Variants in DAAM1 observed in about 807,000 individuals in gnomAD.
DAAM1 encodes disheveled-associated activator of morphogenesis 1.
A neutral mutation model predicts 130.0 loss-of-function variants in DAAM1; 52 were observed. That is an observed-to-expected ratio of 0.40 (90% CI 0.32 to 0.50). DAAM1 has a LOEUF of 0.50. DAAM1 is among the 20% of genes least tolerant of loss of function. The pLI, the probability that DAAM1 is intolerant of heterozygous loss-of-function variation, is 0.61. For missense variants in DAAM1, 1,134 were observed against 1,303.8 expected (o/e 0.87, Z 2.01); for synonymous variants, 452 against 444.5 (o/e 1.02, Z -0.21).
rs1245796129 is a variant in DAAM1, at chr14:59,370,111, A to T, written c.*1252A>T. The T allele has an allele frequency of 1.4e-5, 2 of 141,356 alleles. No homozygotes were observed. The highest frequency in any genetic ancestry group is 2.0e-4 in the East Asian group (1 of 4,890). 8.8% of individuals were successfully genotyped at this position (141,356 alleles called of 1,614,324 possible). On this transcript the variant is annotated 3_prime_UTR_variant, in exon 25 of 25. Transcript: ENST00000360909. ...TACCAACTCTTAATATCCTTAAATT[A>T]TGTGATATATAAAGAGGACTGTTAC...
At chr14:59,239,292 T>C (rs1353096716) in intron 1 of DAAM1, among the ~76,000 whole-genome samples, 1 of 152,186 alleles carries the variant, frequency 6.6e-6, no homozygotes, top group African/African-American at 2.4e-5. Flanking sequence ...ATTAGGACAA[T>C]TGGCTGCTAC....
intron 22 of DAAM1, among the ~76,000 whole-genome samples, chr14:59,361,430 G>A (rs1193227277): frequency 6.6e-6 from 1 of 152,210 alleles, no homozygotes; most frequent in Non-Finnish European, 1.5e-5. Context: ...GGTGCCTTAA[G>A]GAAGCAGCGG....
intron 1 of DAAM1, among the ~76,000 whole-genome samples, chr14:59,228,905 C>T (rs1430279163): frequency 6.6e-6 from 1 of 152,140 alleles, no homozygotes; most frequent in African/African-American, 2.4e-5. Flanking sequence ...AATGGATACT[C>T]TGTTTCCGTC....
intron 3 of DAAM1, among the ~76,000 whole-genome samples, chr14:59,305,440 T>C (rs1884340791): frequency 6.6e-6 from 1 of 152,224 alleles, no homozygotes; most frequent in Non-Finnish European, 1.5e-5. Flanking sequence ...TAGGCTTCAG[T>C]CATATGCCAT....
rs962698569 is a variant in DAAM1 at position 59,370,520 on chromosome 14, G to A, written c.*1661G>A. 1.3e-5 allele frequency: 2 copies of A among 152,090 alleles called. No homozygotes were observed. The highest frequency in any genetic ancestry group is 2.4e-5 in the African/African-American group (1 of 41,438). The allele number at this position is 152,090 out of a possible 1,614,324, so 9.4% of individuals were successfully genotyped here. A position where few individuals can be genotyped will look rare whatever the true frequency, so the allele number is the denominator to read the frequency against. On this transcript the variant is annotated 3_prime_UTR_variant, in exon 25 of 25. Coordinates refer to ENST00000360909, the MANE Select transcript of DAAM1 (RefSeq NM_001270520.2). ...AACTATAATGCTTAGCACAGATGGC[G>A]AGTTATCTGTGCTATGTGAAAGCTG...
intron 2 of DAAM1, among the ~76,000 whole-genome samples, chr14:59,288,026 G>GC (rs1230115353): frequency 6.6e-6 from 1 of 152,002 alleles, no homozygotes; most frequent in Non-Finnish European, 1.5e-5. Context: ...AAACTATACA[G>GC]CAAGGCTACA....
intron 8 of DAAM1, among the ~76,000 whole-genome samples, chr14:59,324,765 A>ATT (rs1430616006): frequency 3.3e-5 from 5 of 152,150 alleles, no homozygotes; most frequent in African/African-American, 1.2e-4. Context: ...TGTTTTTATA[A>ATT]CTGCAAAAGA....
chr14:59,197,404 C>T (rs1430328429), intron 1 of DAAM1, among the ~76,000 whole-genome samples: 1 of 152,210 alleles, frequency 6.6e-6, no homozygotes, highest in Non-Finnish European at 1.5e-5. Context: ...AGTTGGAGGA[C>T]ATGCAATAAA....
intron 24 of DAAM1, among the ~76,000 whole-genome samples, chr14:59,368,049 T>C (rs1314206413): frequency 6.6e-6 from 1 of 152,068 alleles, no homozygotes; most frequent in African/African-American, 2.4e-5. Flanking sequence ...TCTTTTTCTG[T>C]TTTGTTTTTT....
chr14:59,355,038 T>C (rs1886423507), intron 19 of DAAM1, 127 bp from the exon 20 acceptor site: 2 of 1,283,630 alleles, frequency 1.6e-6, no homozygotes, highest in Admixed American at 2.4e-5. Context: ...GGTAACCCAA[T>C]AACTCAGTCT....
intron 1 of DAAM1, among the ~76,000 whole-genome samples, chr14:59,201,604 A>G (rs1329949911): frequency 6.6e-6 from 1 of 152,116 alleles, no homozygotes; most frequent in African/African-American, 2.4e-5. Context: ...CGACAGAATG[A>G]GACTCCATCT....
chr14:59,192,558 T>C (rs1038486416), intron 1 of DAAM1, among the ~76,000 whole-genome samples: 3 of 152,200 alleles, frequency 2.0e-5, no homozygotes, highest in African/African-American at 7.2e-5. Context: ...GGTGTCCAAC[T>C]TGGGTTAGCA....
At chr14:59,201,075 G>A (rs982455204) in intron 1 of DAAM1, among the ~76,000 whole-genome samples, 2 of 150,040 alleles carry the variant, frequency 1.3e-5, no homozygotes, top group Admixed American at 1.3e-4. Flanking sequence ...GCAGGAGAAT[G>A]GTATGAACCT....
intron 3 of DAAM1, among the ~76,000 whole-genome samples, chr14:59,300,760 C>A (rs965585852): frequency 6.6e-6 from 1 of 152,142 alleles, no homozygotes; most frequent in African/African-American, 2.4e-5. Flanking sequence ...ATATTTATAG[C>A]CTAACTCCAT....
intron 1 of DAAM1, among the ~76,000 whole-genome samples, chr14:59,263,159 G>A (rs780589270): frequency 6.6e-6 from 1 of 152,246 alleles, no homozygotes; most frequent in Non-Finnish European, 1.5e-5. Flanking sequence ...ACAAAGAACA[G>A]ACAGTAGCTC....
chr14:59,367,767 C>G (rs1400023282), intron 24 of DAAM1, among the ~76,000 whole-genome samples, 168 bp downstream of exon 24: 1 of 152,016 alleles, frequency 6.6e-6, no homozygotes, highest in Non-Finnish European at 1.5e-5. Context: ...GGCTATTTAA[C>G]AGTGTATATT....
chr14:59,266,831 G>T lies in DAAM1; in HGVS notation c.183+3171G>T, dbSNP rs112543134. ...GGTGGTGGACAGTGCCTGGTCTCTG[G>T]AGTCAAACACTTTTCCCAAATGCCA... On this transcript the variant is annotated intron_variant, in intron 2 of 24. Coordinates refer to ENST00000360909, the MANE Select transcript of DAAM1 (RefSeq NM_001270520.2). Among the ~76,000 whole-genome samples, 216 of 152,296 alleles carry T rather than the reference G, an allele frequency of 1.4e-3. 1 individual carries two copies. The highest frequency in any genetic ancestry group is 4.9e-3 in the African/African-American group (204 of 41,564).
At chr14:59,342,781 G>A (rs1261825240) in intron 16 of DAAM1, among the ~76,000 whole-genome samples, 2 of 152,182 alleles carry the variant, frequency 1.3e-5, no homozygotes, top group Non-Finnish European at 2.9e-5. Context: ...CATGTAGGAG[G>A]GGCACCAGCA....
intron 1 of DAAM1, among the ~76,000 whole-genome samples, chr14:59,226,077 G>A (rs1447418740): frequency 1.3e-5 from 2 of 151,846 alleles, no homozygotes; most frequent in African/African-American, 4.8e-5. Flanking sequence ...TTATATTTGA[G>A]TAGTCAACCT....
Sources: allele counts gnomAD v4.1 joint callset (sites outside exome capture counted in the v4.1 genomes callset), GRCh38; gene constraint gnomAD v4.1.1; transcripts MANE v1.5; gene names NCBI Gene and HGNC (gene_info 2026-07-23, HGNC 2026-07-21).